The following RIMS1 variants were observed in gnomAD, a reference collection of about 807,000 sequenced individuals.
RIMS1 encodes regulating synaptic membrane exocytosis protein 1.
RIMS1 carries 83 observed loss-of-function variants against 214.1 expected under a neutral mutation model. That is an observed-to-expected ratio of 0.39 (90% confidence interval 0.32 to 0.47). The LOEUF (loss-of-function observed/expected upper bound fraction) is 0.47, where lower values mean the gene tolerates loss of function less well. RIMS1 is among the 20% of genes least tolerant of loss of function. The pLI is 0.99. For missense variants in RIMS1, 2,050 were observed against 2,161.8 expected, an observed-to-expected ratio of 0.95 and a Z score of 1.03; for synonymous variants, 793 against 786.8, an observed-to-expected ratio of 1.01 and a Z score of -0.13.
At position 72,124,276 on chromosome 6, in the gene RIMS1, T is replaced by C. The variant is rs1326924848; in HGVS notation, c.471+24290T>C. The stretch of plus-strand genomic sequence containing the variant: ...TGAAAATCTGGGTTGAAAATTCTTT[T>C]CTTTAAGAATGTTGAATATTGGCCC... On this transcript the variant is annotated intron_variant, in intron 4 of 33. Coordinates refer to ENST00000521978, the MANE Select transcript of RIMS1 (RefSeq NM_014989.7). Among the ~76,000 whole-genome samples, 4 of 152,000 alleles carry C rather than the reference T, an allele frequency of 2.6e-5. No individual in the cohort carries two copies. In the East Asian group the frequency reaches 7.7e-4, roughly 29 times the overall value.
intron 26 of RIMS1, among the ~76,000 whole-genome samples, chr6:72,302,215 G>A (rs1343104485): frequency 6.6e-6 from 1 of 151,346 alleles, no homozygotes; most frequent in Non-Finnish European, 1.5e-5. Context: ...CCATTCCTAG[G>A]TTCTTACTAT....
chr6:72,182,335 C>T lies in RIMS1; in HGVS notation c.864C>T (p.Ser288=). 6.2e-7 allele frequency: 1 copy of T among 1,612,056 alleles called. No homozygotes were observed. Among genetic ancestry groups the T allele is most frequent in the Non-Finnish European group, 8.5e-7 (1 of 1,178,922 alleles). ...SEQNGKGALK[S]ERKRVPKTSA... Reference sequence around the variant, plus strand: ...AGAATGGCAAAGGAGCCCTGAAGAGCGAGCGGAAACGCGTGCCAAAGACCT... The same window carrying T: ...AGAATGGCAAAGGAGCCCTGAAGAGTGAGCGGAAACGCGTGCCAAAGACCT... The change falls in exon 6 of 34, where the codon AGC becomes AGT. Residue 288 remains serine (S), a synonymous_variant. Transcript: ENST00000521978.
rs1030753202 is a variant in RIMS1, at chr6:72,120,890, C to G, written c.471+20904C>G. Among the ~76,000 whole-genome samples the G allele has an allele frequency of 5.1e-4, 78 of 151,906 alleles. 4 individuals are homozygous for G. The highest frequency in any genetic ancestry group is 5.1e-3 in the Admixed American group (78 of 15,216). ...ACATATAGCTAGCCAGTTTTCCCAG[C>G]ACCATTTATTAAATAGGGAATCGTT... On this transcript the variant is annotated intron_variant, in intron 4 of 33. Transcript: ENST00000521978.
In RIMS1 at chr6:72,401,257, T is replaced by G. The variant is rs1355405784; in HGVS notation, c.*543T>G. On this transcript the variant is annotated 3_prime_UTR_variant, in exon 34 of 34. Coordinates refer to ENST00000521978, the MANE Select transcript of RIMS1 (RefSeq NM_014989.7). ...GGCTGTGTCATGACAGGCCTCATGATGCTAACAGAGATTCTTCCCTTCTTT... is the reference window on the plus strand; with the variant it reads ...GGCTGTGTCATGACAGGCCTCATGAGGCTAACAGAGATTCTTCCCTTCTTT... 1.3e-5 allele frequency: 2 copies of G among 153,138 alleles called. No individual in the cohort carries two copies. The highest frequency in any genetic ancestry group is 4.8e-5 in the African/African-American group (2 of 41,452). 9.5% of individuals were successfully genotyped at this position (153,138 alleles called of 1,614,324 possible).
chr6:72,216,983 C>G, intron 6 of RIMS1: 1 of 1,391,046 alleles, frequency 7.2e-7, no homozygotes, highest in Non-Finnish European at 9.3e-7. Flanking sequence ...GCACTTATGG[C>G]CTTGTTTAGT....
intron 1 of RIMS1, among the ~76,000 whole-genome samples, chr6:71,926,580 G>T (rs189388291): frequency 1.1e-4 from 17 of 152,180 alleles, no homozygotes; most frequent in Non-Finnish European, 2.1e-4. Flanking sequence ...ACCCAAACTT[G>T]TCTCTCATTT....
intron 4 of RIMS1, among the ~76,000 whole-genome samples, chr6:72,102,493 A>T (rs969815464): frequency 1.3e-5 from 2 of 152,036 alleles, no homozygotes; most frequent in African/African-American, 4.8e-5. Flanking sequence ...CTAAATTGAC[A>T]AAGTTACAAT....
chr6:72,324,026 GC>G lies in RIMS1; in HGVS notation c.4131-9573del, dbSNP rs879411529. 3.4e-4 allele frequency among the ~76,000 whole-genome samples: 44 copies of G among 127,666 alleles called. 1 individual carries two copies. The highest frequency in any genetic ancestry group is 7.0e-4 in the African/African-American group (24 of 34,274). The allele number at this position is 127,666 out of a possible 152,430, so 83.8% of individuals were successfully genotyped here. A position where few individuals can be genotyped will look rare whatever the true frequency, so the allele number is the denominator to read the frequency against. ...GAAATAAATAAATGAGTGCATGCAT[GC>G]ATAGATAGATAGATAGATAGATAGA... On this transcript the variant is annotated intron_variant, in intron 28 of 33. Transcript: ENST00000521978.
chr6:71,949,641 T>G (rs1033172854), intron 1 of RIMS1, among the ~76,000 whole-genome samples: 2 of 152,222 alleles, frequency 1.3e-5, no homozygotes, highest in Non-Finnish European at 2.9e-5. Flanking sequence ...AATGTTAAAC[T>G]TACTTAACTC....
intron 28 of RIMS1, among the ~76,000 whole-genome samples, chr6:72,325,516 C>T (rs1165316220): frequency 2.0e-5 from 3 of 150,824 alleles, no homozygotes; most frequent in Non-Finnish European, 3.0e-5. Flanking sequence ...ATAAGGTTAA[C>T]GTATGAAAAG....
intron 2 of RIMS1, among the ~76,000 whole-genome samples, chr6:72,004,554 T>C (rs1478548562): frequency 6.6e-6 from 1 of 151,270 alleles, no homozygotes; most frequent in Non-Finnish European, 1.5e-5. Flanking sequence ...TTTTTAATGA[T>C]TGCCATTCTA....
At chr6:72,136,962 G>A (rs947236253) in intron 4 of RIMS1, among the ~76,000 whole-genome samples, 9 of 152,004 alleles carry the variant, frequency 5.9e-5, no homozygotes, top group Admixed American at 1.3e-4. Flanking sequence ...GACACTAACC[G>A]ATTATCATTT....
At chr6:72,265,202 A>T in intron 20 of RIMS1, 150 bp downstream of exon 20, 1 of 625,484 alleles carries the variant, frequency 1.6e-6, no homozygotes. Context: ...ATACAGTGAG[A>T]GACATTAAAT....
chr6:72,054,097 G>A (rs2152178909), intron 2 of RIMS1, among the ~76,000 whole-genome samples: 1 of 151,840 alleles, frequency 6.6e-6, no homozygotes, highest in South Asian at 2.1e-4. Flanking sequence ...CCCCAAACTG[G>A]CCCTGGTATG....
At chr6:72,314,577 T>G (rs2095667574) in intron 28 of RIMS1, among the ~76,000 whole-genome samples, 2 of 152,288 alleles carry the variant, frequency 1.3e-5, no homozygotes, top group African/African-American at 4.8e-5. Flanking sequence ...ATGAGCAATT[T>G]CAACTGATAA....
At chr6:72,226,177 G>A (rs572858540) in intron 6 of RIMS1, among the ~76,000 whole-genome samples, 6 of 152,054 alleles carry the variant, frequency 3.9e-5, no homozygotes, top group South Asian at 4.1e-4. Context: ...CAAGTTTTCC[G>A]GAATTTTAAT....
intron 2 of RIMS1, among the ~76,000 whole-genome samples, chr6:72,078,795 A>T (rs941038533): frequency 1.3e-5 from 2 of 152,060 alleles, no homozygotes; most frequent in African/African-American, 4.8e-5. Flanking sequence ...CACAATGAGA[A>T]CTCATATTAA....
At chr6:72,083,385 T>C (rs532060183) in intron 2 of RIMS1, among the ~76,000 whole-genome samples, 1 of 152,288 alleles carries the variant, frequency 6.6e-6, no homozygotes, top group African/African-American at 2.4e-5. Context: ...GAAAAAATTT[T>C]CAGACAAAAT....
intron 1 of RIMS1, among the ~76,000 whole-genome samples, chr6:71,906,286 G>T (rs889984653): frequency 6.6e-6 from 1 of 152,090 alleles, no homozygotes; most frequent in Admixed American, 6.6e-5. Flanking sequence ...TTAGTGTTGA[G>T]CAAATTCTCC....
Sources: allele counts gnomAD v4.1 joint callset (sites outside exome capture counted in the v4.1 genomes callset), GRCh38; gene constraint gnomAD v4.1.1; transcripts MANE v1.5; gene names NCBI Gene and HGNC (gene_info 2026-07-23, HGNC 2026-07-21).